Variants in EPHA5 observed in about 807,000 individuals in gnomAD.
The protein encoded by EPHA5 is EPH receptor A5.
EPHA5 carries 60 observed loss-of-function variants against 105.0 expected under a neutral mutation model. The ratio of observed to expected loss-of-function variants is 0.57; its 90% CI spans 0.46 to 0.71. EPHA5 has a LOEUF of 0.71. Among genes scored for constraint, EPHA5 ranks in the 30% least tolerant of loss-of-function variants. The pLI, the probability that EPHA5 is intolerant of heterozygous loss-of-function variation, is 0.00. For synonymous variants in EPHA5, 513 were observed against 449.1 expected (o/e 1.14, Z -1.80); for missense variants, 1,218 against 1,274.7 (o/e 0.96, Z 0.68).
At position 65,320,742 on chromosome 4, in the gene EPHA5, GA is replaced by G. The variant is rs927286125; in HGVS notation, c.*3371del. 8.7e-6 allele frequency: 2 copies of G among 229,984 alleles called. No homozygotes were observed. Among genetic ancestry groups the G allele is most frequent in the African/African-American group, 4.4e-5 (2 of 45,108 alleles). The allele number at this position is 229,984 out of a possible 1,614,324, so 14.2% of individuals were successfully genotyped here. The stretch of plus-strand genomic sequence containing the variant: ...ACTTTCCATTTTAAACTTGAAACAT[GA>G]AACTGTGTCTTCACTTTTTTACACT... On this transcript the variant is annotated 3_prime_UTR_variant, in exon 17 of 17. Coordinates refer to ENST00000613740, the MANE Select transcript of EPHA5 (RefSeq NM_001281766.3).
chr4:65,573,432 A>G (rs1740442076), intron 3 of EPHA5: 2 of 1,084,038 alleles, frequency 1.8e-6, no homozygotes, highest in East Asian at 2.8e-5. Context: ...AAAAAAAAAA[A>G]AAAGAAGCTC....
At chr4:65,410,204 T>C (rs1389266878) in intron 7 of EPHA5, among the ~76,000 whole-genome samples, 1 of 152,166 alleles carries the variant, frequency 6.6e-6, no homozygotes, top group African/African-American at 2.4e-5. Flanking sequence ...TTGTGGCACA[T>C]ACATATTATG....
chr4:65,395,676 A>G (rs972293064), intron 8 of EPHA5, among the ~76,000 whole-genome samples: 2 of 152,224 alleles, frequency 1.3e-5, no homozygotes, highest in Non-Finnish European at 2.9e-5. Flanking sequence ...AAGGAGAAAT[A>G]GGATTGAGCA....
intron 2 of EPHA5, among the ~76,000 whole-genome samples, chr4:65,605,270 G>A (rs1041957030): frequency 2.6e-5 from 4 of 152,088 alleles, no homozygotes; most frequent in African/African-American, 9.7e-5. Context: ...GAGAAGGGTC[G>A]GGGGAAGAAA....
intron 7 of EPHA5, among the ~76,000 whole-genome samples, chr4:65,413,969 A>T (rs553462420): frequency 6.6e-6 from 1 of 152,320 alleles, no homozygotes; most frequent in African/African-American, 2.4e-5. Flanking sequence ...CGACTAAAAA[A>T]GTAAATGGGA....
Position 65,324,196 on chromosome 4 carries a change from G to A in EPHA5, c.2969C>T (p.Thr990Ile), listed in dbSNP as rs1339477626. 4 of 1,609,170 alleles carry A rather than the reference G, an allele frequency of 2.5e-6. No individual in the cohort carries two copies. Among genetic ancestry groups the A allele is most frequent in the Non-Finnish European group, 3.4e-6 (4 of 1,176,836 alleles). Residue 990 changes from threonine (T) to isoleucine (I), a missense_variant, in exon 17 of 17, where the codon ACT becomes ATT. Transcript: ENST00000613740. ...GATCTTCTTCTGGTGACCGACAAGA[G>A]TCACTCCAAGCCGTCTCAAATCCCT... ...TLEDLRRLGV[T>I]LVGHQKKIMN...
intron 3 of EPHA5, among the ~76,000 whole-genome samples, chr4:65,542,637 G>A (rs757792154): frequency 1.3e-5 from 2 of 151,948 alleles, no homozygotes; most frequent in African/African-American, 2.4e-5. Context: ...AATTTTACCA[G>A]AGGTACAAAG....
intron 2 of EPHA5, among the ~76,000 whole-genome samples, chr4:65,605,519 C>T (rs1468748501): frequency 1.3e-5 from 2 of 152,088 alleles, no homozygotes; most frequent in African/African-American, 4.8e-5. Flanking sequence ...GACCAGAAAT[C>T]CCTCTTACAT....
chr4:65,607,613 A>C (rs1410846498), intron 2 of EPHA5, among the ~76,000 whole-genome samples: 1 of 152,226 alleles, frequency 6.6e-6, no homozygotes, highest in African/African-American at 2.4e-5. Context: ...AGAGAAACGC[A>C]AATCAAAACC....
chr4:65,549,214 A>G (rs1156920087), intron 3 of EPHA5, among the ~76,000 whole-genome samples: 1 of 152,168 alleles, frequency 6.6e-6, no homozygotes, highest in Non-Finnish European at 1.5e-5. Context: ...CCAGAAGATA[A>G]TAAAATGACA....
chr4:65,519,194 T>C (rs1371020058), intron 3 of EPHA5, among the ~76,000 whole-genome samples: 1 of 151,832 alleles, frequency 6.6e-6, no homozygotes, highest in African/African-American at 2.4e-5. Flanking sequence ...TAAATATAAA[T>C]ATAAAAAATA....
chr4:65,655,644 G>A (rs911067639), intron 1 of EPHA5, among the ~76,000 whole-genome samples: 3 of 152,054 alleles, frequency 2.0e-5, no homozygotes, highest in African/African-American at 7.2e-5. Flanking sequence ...TCTTTAACAA[G>A]GATAAAGATC....
intron 8 of EPHA5, among the ~76,000 whole-genome samples, chr4:65,385,113 T>C (rs1302915472): frequency 4.0e-5 from 6 of 151,870 alleles, no homozygotes; most frequent in Non-Finnish European, 8.8e-5. Flanking sequence ...TGATGCTGTT[T>C]TCGTCAGCTC....
chr4:65,371,982 C>G lies in EPHA5; in HGVS notation c.1794-4558G>C, dbSNP rs73822125. Among the ~76,000 whole-genome samples, 80 of 151,592 alleles carry G rather than the reference C, an allele frequency of 5.3e-4. 1 individual carries two copies. The highest frequency in any genetic ancestry group is 1.9e-3 in the African/African-American group (78 of 41,358). ...GAGACGCTTTTCCTATATATTGAAG[C>G]AAAAATATTCAAAAAGCAACAAATT... is the stretch of plus-strand genomic sequence containing the variant. On this transcript the variant is annotated intron_variant, in intron 8 of 16. Transcript: ENST00000613740.
chr4:65,410,564 G>A (rs574312045), intron 7 of EPHA5, among the ~76,000 whole-genome samples: 21 of 152,200 alleles, frequency 1.4e-4, no homozygotes, highest in African/African-American at 3.9e-4. Context: ...ATACACATAC[G>A]TATCCACATA....
rs747980985 is a variant in EPHA5 at position 65,490,642 on chromosome 4, C to A, written c.1137G>T (p.Pro379=). 1 of 1,613,944 alleles carries A rather than the reference C, an allele frequency of 6.2e-7. No homozygotes were observed. The highest frequency in any genetic ancestry group is 8.5e-7 in the Non-Finnish European group (1 of 1,179,998). ...CTTTCCTTCCACCAGTGTCAGCAGGCGGAATCCATTCCAGAAAGACACTAG... is the reference window on the plus strand; with the variant it reads ...CTTTCCTTCCACCAGTGTCAGCAGGAGGAATCCATTCCAGAAAGACACTAG... ...NETSVFLEWI[P]PADTGGRKDV... Residue 379 remains proline, a synonymous_variant, in exon 5 of 17, where the codon CCG becomes CCT. Transcript: ENST00000613740.
intron 3 of EPHA5, among the ~76,000 whole-genome samples, chr4:65,514,503 A>C (rs982684044): frequency 1.3e-4 from 20 of 152,180 alleles, no homozygotes; most frequent in African/African-American, 4.6e-4. Context: ...ATTAGAATGA[A>C]CCTACAGACA....
chr4:65,669,722 C>T lies in EPHA5; in HGVS notation c.21G>A (p.Arg7=), dbSNP rs183979919. The T allele has an allele frequency of 3.1e-6, 4 of 1,271,906 alleles. No individual in the cohort carries two copies. The highest frequency in any genetic ancestry group is 4.0e-6 in the Non-Finnish European group (4 of 1,007,584). 78.8% of individuals were successfully genotyped at this position (1,271,906 alleles called of 1,614,324 possible). A position where few individuals can be genotyped will look rare whatever the true frequency, so the allele number is the denominator to read the frequency against. Residue 7 remains arginine, a synonymous_variant, in exon 1 of 17, where the codon CGG becomes CGA. Coordinates refer to ENST00000613740, the MANE Select transcript of EPHA5 (RefSeq NM_001281766.3). MRGSGP[R]GAGRRRPPSG... is the part of the protein sequence containing the mutation. The stretch of plus-strand genomic sequence containing the variant: ...TTGGGGGCCGCCGGCGTCCCGCACC[C>T]CGGGGCCCCGAGCCCCGCATCTTCT...
intron 2 of EPHA5, among the ~76,000 whole-genome samples, chr4:65,626,701 C>A (rs116624873): frequency 2.2e-3 from 335 of 152,274 alleles, no homozygotes; most frequent in African/African-American, 7.7e-3. Context: ...TACATGCTCA[C>A]ATGTAATACA....
Sources: gnomAD v4.1 joint callset for allele counts (sites outside exome capture counted in the v4.1 genomes callset) on GRCh38, gnomAD v4.1.1 for gene constraint, MANE v1.5 for transcripts, NCBI Gene and HGNC (gene_info 2026-07-23, HGNC 2026-07-21) for gene names.